Variants in FARP1 observed in about 807,000 individuals in gnomAD.
FARP1 encodes FERM, ARH/RhoGEF and pleckstrin domain protein 1.
A neutral mutation model predicts 128.8 loss-of-function variants in FARP1; 52 were observed. The observed-to-expected ratio is 0.40, with a 90% confidence interval of 0.32 to 0.51. The LOEUF (loss-of-function observed/expected upper bound fraction) is 0.51, where lower values mean the gene tolerates loss of function less well. FARP1 is among the 20% of genes least tolerant of loss of function. FARP1 has a pLI of 0.45. For synonymous variants in FARP1, 580 were observed against 551.8 expected, an observed-to-expected ratio of 1.05 and a Z score of -0.72; for missense variants, 1,333 against 1,367.9, an observed-to-expected ratio of 0.97 and a Z score of 0.40.
intron 6 of FARP1, 84 bp from the exon 7 acceptor site, chr13:98,384,646 C>A: frequency 1.3e-6 from 1 of 798,562 alleles, no homozygotes. Flanking sequence ...TGTCTGCTAG[C>A]TTCTGTTTGG....
intron 2 of FARP1, among the ~76,000 whole-genome samples, chr13:98,255,476 G>T (rs529576315): frequency 1.3e-5 from 2 of 151,950 alleles, no homozygotes; most frequent in African/African-American, 4.8e-5. Context: ...ACTCAAGCCC[G>T]GGCAACAGAG....
At position 98,435,315 on chromosome 13, in the gene FARP1, C is replaced by T. The variant is rs1255336292; in HGVS notation, c.2144-261C>T. Reference sequence around the variant, plus strand: ...TCTTTCCCCTCTAAGCCAACAGGTCCGTCTAATTGAAGGACAGCTGTATGC... The same window carrying T: ...TCTTTCCCCTCTAAGCCAACAGGTCTGTCTAATTGAAGGACAGCTGTATGC... On this transcript the variant is annotated intron_variant, in intron 18 of 26. Transcript: ENST00000319562. 6 of 290,506 alleles carry T rather than the reference C, an allele frequency of 2.1e-5. No homozygotes were observed. In the East Asian group the frequency reaches 2.8e-4, roughly 14 times the overall value. The allele number at this position is 290,506 out of a possible 1,614,324, so 18.0% of individuals were successfully genotyped here. A position where few individuals can be genotyped will look rare whatever the true frequency, so the allele number is the denominator to read the frequency against.
intron 2 of FARP1, among the ~76,000 whole-genome samples, chr13:98,290,057 T>C (rs1227213504): frequency 6.7e-6 from 1 of 149,460 alleles, no homozygotes; most frequent in African/African-American, 2.4e-5. Flanking sequence ...GATTTATCTT[T>C]TTTTTTTTTT....
chr13:98,327,490 C>T (rs1467729805), intron 2 of FARP1, among the ~76,000 whole-genome samples: 3 of 152,186 alleles, frequency 2.0e-5, no homozygotes, highest in Non-Finnish European at 2.9e-5. Context: ...GAGCAAAAAA[C>T]TCAAAACCAG....
intron 4 of FARP1, among the ~76,000 whole-genome samples, chr13:98,365,871 AGTGTGAGTGTGTGTGTGTATGTGGTGT>A (rs1889058522): frequency 7.0e-6 from 1 of 142,750 alleles, no homozygotes; most frequent in African/African-American, 2.6e-5. Context: ...AGTGGCCGAA[AGTGTGAGTGTGTGTGTGTATGTGGTGT>A]GTGTGTGTGT....
chr13:98,443,383 C>T (rs115405806), intron 24 of FARP1, among the ~76,000 whole-genome samples: 370 of 152,324 alleles, frequency 2.4e-3, no homozygotes, highest in African/African-American at 8.4e-3. Context: ...TCCCAAGGCA[C>T]GTGGCATCAA....
At chr13:98,192,687 G>A (rs942433664) in intron 1 of FARP1, among the ~76,000 whole-genome samples, 8 of 151,934 alleles carry the variant, frequency 5.3e-5, no homozygotes, top group Admixed American at 3.9e-4. Flanking sequence ...CACTGCGCCC[G>A]GCTGACTTGT....
intron 2 of FARP1, among the ~76,000 whole-genome samples, chr13:98,235,923 A>G (rs897047440): frequency 9.9e-5 from 15 of 151,756 alleles, no homozygotes; most frequent in Non-Finnish European, 2.1e-4. Flanking sequence ...TCCTGGGTTA[A>G]AGCAATTCCC....
chr13:98,344,290 T>C (rs1424389741), intron 3 of FARP1, among the ~76,000 whole-genome samples: 2 of 150,654 alleles, frequency 1.3e-5, no homozygotes, highest in African/African-American at 4.9e-5. Context: ...TAAGGGAGAG[T>C]AGAGGGGCTG....
At chr13:98,261,422 G>A (rs1883874215) in intron 2 of FARP1, among the ~76,000 whole-genome samples, 1 of 152,110 alleles carries the variant, frequency 6.6e-6, no homozygotes, top group Non-Finnish European at 1.5e-5. Context: ...CAACCTTTTG[G>A]TCCATAGCAT....
In FARP1 at chr13:98,417,455, GAAAAAAAA is replaced by G. The variant is rs869304302; in HGVS notation, c.1826+5443_1826+5450del. ...AGGAAACAGAGGCCACCAGAGGTTT[GAAAAAAAA>G]AAAAAAAAAAAAAAAAAAAAAGAAC... On this transcript the variant is annotated intron_variant, in intron 16 of 26. Transcript: ENST00000319562. Among the ~76,000 whole-genome samples the G allele has an allele frequency of 2.1e-3, 124 of 58,478 alleles. 2 individuals are homozygous for G. The highest frequency in any genetic ancestry group is 9.6e-3 in the Middle Eastern group (1 of 104). The allele number at this position is 58,478 out of a possible 152,430, so 38.4% of individuals were successfully genotyped here.
intron 2 of FARP1, among the ~76,000 whole-genome samples, chr13:98,268,344 A>G (rs1429656697): frequency 1.3e-5 from 2 of 152,154 alleles, no homozygotes; most frequent in African/African-American, 4.8e-5. Context: ...ATAGGTTTGC[A>G]TGTATGGAGG....
rs188731364 is a variant in FARP1 at position 98,241,479 on chromosome 13, T to G, written c.171+28066T>G. 2.7e-4 allele frequency among the ~76,000 whole-genome samples: 41 copies of G among 152,196 alleles called. 1 individual carries two copies. The Middle Eastern group carries it at 0.01, about 38-fold the overall frequency. Reference sequence around the variant, plus strand: ...GCACATCTGGACTAGAATGCAAGCTTCTCTTTTTAGAAAAATGGGGCCAGG... The same window carrying G: ...GCACATCTGGACTAGAATGCAAGCTGCTCTTTTTAGAAAAATGGGGCCAGG... On this transcript the variant is annotated intron_variant, in intron 2 of 26. Transcript: ENST00000319562.
At chr13:98,390,170 C>T (rs1340973603) in intron 10 of FARP1, 50 bp downstream of exon 10, 2 of 1,577,132 alleles carry the variant, frequency 1.3e-6, no homozygotes. Flanking sequence ...GTTTTTCCTC[C>T]CGCCTCTCAC....
chr13:98,154,044 ATTTGTAACCT>A (rs1876322489), intron 1 of FARP1, among the ~76,000 whole-genome samples: 2 of 152,170 alleles, frequency 1.3e-5, no homozygotes, highest in African/African-American at 2.4e-5. Context: ...GAATCTTAGC[ATTTGTAACCT>A]TTTGAGACTG....
chr13:98,165,695 A>C (rs1442171852), intron 1 of FARP1, among the ~76,000 whole-genome samples: 11 of 83,220 alleles, frequency 1.3e-4, no homozygotes, highest in East Asian at 4.5e-4. Context: ...AAAAAAAAAA[A>C]CCCTTCCAGA....
intron 24 of FARP1, chr13:98,445,356 G>A (rs1892758056): frequency 1.3e-5 from 2 of 152,274 alleles, no homozygotes; most frequent in Admixed American, 1.3e-4. Context: ...TGAGCCACCA[G>A]TGCGTCAGGC....
At chr13:98,440,067 C>T (rs886638249) in intron 22 of FARP1, 24 bp downstream of exon 22, 2 of 1,608,828 alleles carry the variant, frequency 1.2e-6, no homozygotes, top group Non-Finnish European at 1.7e-6. Context: ...CCGCCCCTTG[C>T]CTGTTTCCCC....
At chr13:98,445,968 G>A (rs910586861) in intron 24 of FARP1, 130 bp from the exon 25 acceptor site, 2 of 620,784 alleles carry the variant, frequency 3.2e-6, no homozygotes, top group Non-Finnish European at 5.8e-6. Flanking sequence ...ACGGGGGAGC[G>A]GGGGTGGGGC....
Sources: allele counts gnomAD v4.1 joint callset (sites outside exome capture counted in the v4.1 genomes callset), GRCh38; gene constraint gnomAD v4.1.1; transcripts MANE v1.5; gene names NCBI Gene and HGNC (gene_info 2026-07-23, HGNC 2026-07-21).